PC: variants seen among roughly 807,000 people sequenced by gnomAD.
PC encodes the protein pyruvate carboxylase.
PC carries 46 observed loss-of-function variants against 107.8 expected under a neutral mutation model. That is an observed-to-expected ratio of 0.43 (90% CI 0.34 to 0.55). PC has a LOEUF of 0.55. Ranked by LOEUF, PC falls within the 20% of genes least tolerant of loss-of-function variation. The pLI is 0.04. For missense variants in PC, 1,241 were observed against 1,643.1 expected, an observed-to-expected ratio of 0.76 and a Z score of 4.23; for synonymous variants, 662 against 684.7, an observed-to-expected ratio of 0.97 and a Z score of 0.52.
At chr11:66,859,544 GA>G in intron 12 of PC, 1 of 1,567,594 alleles carries the variant, frequency 6.4e-7, no homozygotes, top group Non-Finnish European at 8.6e-7. Context: ...GCCCCAGGGG[GA>G]GGGGTGTTTG....
intron 3 of PC, among the ~76,000 whole-genome samples, chr11:66,943,495 T>C (rs546143218): frequency 1.3e-5 from 2 of 151,724 alleles, no homozygotes; most frequent in Admixed American, 6.6e-5. Flanking sequence ...TCCCAACACT[T>C]TGGGAGGCCG....
rs12290816 is a variant in PC at position 66,939,061 on chromosome 11, G to A, written c.-1+13369C>T. 2.9e-3 allele frequency among the ~76,000 whole-genome samples: 443 copies of A among 152,270 alleles called. 3 individuals carry two copies. The highest frequency in any genetic ancestry group is 0.01 in the African/African-American group (417 of 41,544). On this transcript the variant is annotated intron_variant, in intron 3 of 22. Coordinates refer to ENST00000393960, the MANE Select transcript of PC (RefSeq NM_001040716.2). ...TTCCCTCCTCTTTGAGAGCAGAGTC[G>A]TCACTCAGTGACATCACTGCCTTCG...
intron 3 of PC, among the ~76,000 whole-genome samples, chr11:66,919,165 C>T (rs1948534117): frequency 6.6e-6 from 1 of 152,194 alleles, no homozygotes; most frequent in African/African-American, 2.4e-5. Context: ...CTTGTAATCC[C>T]GGCACTTCGG....
At chr11:66,867,995 A>G (rs1224862801) in intron 10 of PC, among the ~76,000 whole-genome samples, 2 of 152,272 alleles carry the variant, frequency 1.3e-5, no homozygotes, top group Non-Finnish European at 2.9e-5. Flanking sequence ...TACATGGCTC[A>G]TAGTAGAGAC....
intron 3 of PC, among the ~76,000 whole-genome samples, chr11:66,879,661 A>G (rs1237402111): frequency 6.6e-6 from 1 of 152,246 alleles, no homozygotes; most frequent in Admixed American, 6.5e-5. Context: ...AGAAGCTGGC[A>G]TGGGCCGCTG....
intron 12 of PC, chr11:66,856,499 AG>A: frequency 6.6e-6 from 1 of 152,272 alleles, no homozygotes; most frequent in Admixed American, 6.5e-5. Flanking sequence ...GCGCCGCCCC[AG>A]CCCCCCCCAC....
chr11:66,924,442 G>A (rs1185236817), intron 3 of PC, among the ~76,000 whole-genome samples: 1 of 145,618 alleles, frequency 6.9e-6, no homozygotes, highest in Non-Finnish European at 1.5e-5. Flanking sequence ...AAGAAAGAAA[G>A]GAAAAAAGTT....
chr11:66,862,323 G>A (rs899893998), intron 12 of PC, among the ~76,000 whole-genome samples: 27 of 152,204 alleles, frequency 1.8e-4, no homozygotes, highest in Admixed American at 1.0e-3. Context: ...GAGACAGGCT[G>A]GCCACACACA....
In PC at chr11:66,906,623, CA is replaced by C. The variant is rs765758779; in HGVS notation, c.1-34465del. On this transcript the variant is annotated intron_variant, in intron 3 of 22. Coordinates refer to ENST00000393960, the MANE Select transcript of PC (RefSeq NM_001040716.2). ...GATGTCCACGTCACCTCCATCCCCC[CA>C]GTCTTTCCCCCTACGAGCATGCCCA... 2.6e-5 allele frequency among the ~76,000 whole-genome samples: 4 copies of C among 152,194 alleles called. No homozygotes were observed. In the East Asian group the frequency reaches 7.7e-4, roughly 29 times the overall value.
At chr11:66,927,410 TAA>T (rs1473989058) in intron 3 of PC, among the ~76,000 whole-genome samples, 1 of 150,814 alleles carries the variant, frequency 6.6e-6, no homozygotes, top group Non-Finnish European at 1.5e-5. Flanking sequence ...AGTAGAAATT[TAA>T]AAGTCACTGT....
At chr11:66,886,032 CT>C (rs992726753) in intron 3 of PC, among the ~76,000 whole-genome samples, 5 of 152,210 alleles carry the variant, frequency 3.3e-5, no homozygotes, top group African/African-American at 1.2e-4. Context: ...CTATTTGGGA[CT>C]GTGATCAGCT....
At chr11:66,913,835 A>G (rs1216732428) in intron 3 of PC, among the ~76,000 whole-genome samples, 1 of 152,004 alleles carries the variant, frequency 6.6e-6, no homozygotes, top group African/African-American at 2.4e-5. Context: ...TGGTACTGGG[A>G]GCCCCAGCCA....
In PC at chr11:66,850,936, G is replaced by GGA. The variant is rs139065746; in HGVS notation, c.2224-15_2224-14dup. 2.7e-4 allele frequency: 411 copies of GGA among 1,550,290 alleles called. No individual in the cohort carries two copies. Among genetic ancestry groups the GGA allele is most frequent in the African/African-American group, 5.6e-4 (41 of 73,678 alleles). ...GCCCGGCCATGTCCTGGGGGAAGTG[G>GGA]GAGAGAGAGAGAGAGAGATGGTAGA... On this transcript the variant is annotated splice_polypyrimidine_tract_variant and intron_variant, in intron 17 of 22. Coordinates refer to ENST00000393960, the MANE Select transcript of PC (RefSeq NM_001040716.2).
At chr11:66,887,770 C>T (rs1370283403) in intron 3 of PC, among the ~76,000 whole-genome samples, 1 of 152,192 alleles carries the variant, frequency 6.6e-6, no homozygotes, top group Non-Finnish European at 1.5e-5. Context: ...TGCCAAAAGT[C>T]CCACTCAGAA....
intron 3 of PC, among the ~76,000 whole-genome samples, chr11:66,923,120 A>C (rs937102108): frequency 1.1e-4 from 17 of 152,072 alleles, no homozygotes; most frequent in Non-Finnish European, 1.0e-4. Flanking sequence ...TAATCCCAGC[A>C]CTTTGGGAGG....
chr11:66,871,069 C>A lies in PC; in HGVS notation c.616G>T (p.Val206Leu), dbSNP rs147945506. ...TCACTCACCTCGTAGCTGTGCACCACCCTCATGCCACGCCCTCCACCCCCA... is the reference window on the plus strand; with the variant it reads ...TCACTCACCTCGTAGCTGTGCACCAACCTCATGCCACGCCCTCCACCCCCA... Reference protein sequence around the residue: ...AYGGGGRGMRVVHSYEELEEN... With the variant: ...AYGGGGRGMRLVHSYEELEEN... Residue 206 changes from valine (V) to leucine (L), a missense_variant, in exon 7 of 23, where the codon GTG becomes TTG. Val to Leu is a conservative substitution (Grantham distance 32). This residue lies in a region of PC where 1,143 missense variants were observed against 1,551.9 expected (regional missense o/e 0.74). Transcript: ENST00000393960. The surrounding 1 kb of genome is among the most constrained non-coding windows in gnomAD (Gnocchi z 7.4). 4,008 of 1,614,084 alleles carry A rather than the reference C, an allele frequency of 2.5e-3. 21 individuals carry two copies. The highest frequency in any genetic ancestry group is 0.014 in the South Asian group (1,313 of 91,084).
At position 66,945,489 on chromosome 11, in the gene PC, A is replaced by G. The variant is rs929274331; in HGVS notation, c.-1+6941T>C. The stretch of plus-strand genomic sequence containing the variant: ...AAGACATTAGTAATGTGATACTTCT[A>G]TTTGAGGCACATGGGCTGTGAGACC... On this transcript the variant is annotated intron_variant, in intron 3 of 22. Transcript: ENST00000393960. 1.4e-4 allele frequency among the ~76,000 whole-genome samples: 16 copies of G among 111,274 alleles called. 5 individuals are homozygous for G. Among genetic ancestry groups the G allele is most frequent in the African/African-American group, 3.9e-4 (12 of 30,846 alleles). 73.0% of individuals were successfully genotyped at this position (111,274 alleles called of 152,430 possible).
chr11:66,893,130 G>A (rs1947634549), intron 3 of PC, among the ~76,000 whole-genome samples: 1 of 152,154 alleles, frequency 6.6e-6, no homozygotes, highest in Non-Finnish European at 1.5e-5. Context: ...TGTCAGTGAG[G>A]ACCCCCACTG....
At chr11:66,914,819 G>A (rs761814003) in intron 3 of PC, among the ~76,000 whole-genome samples, 3 of 152,044 alleles carry the variant, frequency 2.0e-5, no homozygotes, top group Admixed American at 6.5e-5. Context: ...AGGATGGCTT[G>A]AGTCCAGGAG....
Sources: gnomAD v4.1 joint callset for allele counts (sites outside exome capture counted in the v4.1 genomes callset) on GRCh38, gnomAD v4.1.1 for gene constraint, gnomAD v4.1.1 regional missense constraint, Gnocchi (gnomAD v3.1) non-coding constraint, MANE v1.5 for transcripts, NCBI Gene and HGNC (gene_info 2026-07-23, HGNC 2026-07-21) for gene names.